Variants in SYCP2 observed in about 807,000 individuals in gnomAD.
SYCP2 encodes synaptonemal complex lateral element protein.
SYCP2 carries 55 observed loss-of-function variants against 211.3 expected under a neutral mutation model. That is an observed-to-expected ratio of 0.26 (90% confidence interval 0.21 to 0.33). The LOEUF (loss-of-function observed/expected upper bound fraction) is 0.33, where lower values mean the gene tolerates loss of function less well. SYCP2 is among the 10% of genes least tolerant of loss of function. The probability of loss-of-function intolerance (pLI) is 1.00; values close to 1 mark genes in which losing one functional copy is unlikely to be tolerated. For missense variants in SYCP2, 1,731 were observed against 1,752.0 expected (o/e 0.99, Z 0.21); for synonymous variants, 570 against 555.2 (o/e 1.03, Z -0.37).
In SYCP2 at chr20:59,900,283, A is replaced by G; in HGVS notation, c.1259T>C (p.Ile420Thr). The part of the protein sequence containing the change: ...HILFDASGSQ[I>T]LVPESQISPV... Reference sequence around the variant, plus strand: ...TGAGATTTGACTTTCTGGCACTAGAATCTGTTGGAGAATATGAAAAAAAAA... The same window carrying G: ...TGAGATTTGACTTTCTGGCACTAGAGTCTGTTGGAGAATATGAAAAAAAAA... The change falls in exon 18 of 45, where the codon ATT becomes ACT. Residue 420 changes from isoleucine (I) to threonine (T), a missense_variant and splice_region_variant. By Grantham distance (89) the Ile-to-Thr change is moderately conservative. This residue lies in a region of SYCP2 where 1,387 missense variants were observed against 1,351.3 expected (regional missense o/e 1.03). Transcript: ENST00000357552. The G allele has an allele frequency of 6.3e-7, 1 of 1,597,338 alleles. No homozygotes were observed. Among genetic ancestry groups the G allele is most frequent in the Non-Finnish European group, 8.5e-7 (1 of 1,175,318 alleles).
intron 38 of SYCP2, 113 bp downstream of exon 38, chr20:59,868,300 T>C: frequency 9.2e-7 from 1 of 1,082,538 alleles, no homozygotes; most frequent in Non-Finnish European, 1.3e-6. Context: ...ATCATCCATC[T>C]TGGACATATC....
At chr20:59,890,398 G>C (rs545635575) in intron 24 of SYCP2, among the ~76,000 whole-genome samples, 37 of 152,170 alleles carry the variant, frequency 2.4e-4, no homozygotes, top group African/African-American at 1.9e-4. Flanking sequence ...GGGCCTGTTG[G>C]GGGGTGGAGG....
intron 18 of SYCP2, among the ~76,000 whole-genome samples, chr20:59,898,999 T>G (rs1390234063): frequency 6.6e-6 from 1 of 152,144 alleles, no homozygotes; most frequent in East Asian, 1.9e-4. Flanking sequence ...GTCAGTGGGA[T>G]GAACACAGAA....
At chr20:59,911,220 A>G (rs1447064294) in intron 14 of SYCP2, among the ~76,000 whole-genome samples, 1 of 152,196 alleles carries the variant, frequency 6.6e-6, no homozygotes, top group Non-Finnish European at 1.5e-5. Context: ...GATTTTCCTC[A>G]GGTAAAAAAT....
At chr20:59,933,078 C>A (rs1377932382) in intron 1 of SYCP2, among the ~76,000 whole-genome samples, 1 of 152,038 alleles carries the variant, frequency 6.6e-6, no homozygotes, top group Non-Finnish European at 1.5e-5. Context: ...CGCCAACCCC[C>A]CTTCAGATGT....
chr20:59,896,542 GA>G lies in SYCP2; in HGVS notation c.1405-15del, dbSNP rs1568946693. Reference sequence around the variant, plus strand: ...AGGAGTAGTTTTCTGAAACCACGATGAAAAACAACCACTGTAAACACAGTCT... The same window carrying G: ...AGGAGTAGTTTTCTGAAACCACGATGAAAACAACCACTGTAAACACAGTCT... On this transcript the variant is annotated splice_polypyrimidine_tract_variant and intron_variant, in intron 18 of 44. Coordinates refer to ENST00000357552, the MANE Select transcript of SYCP2 (RefSeq NM_014258.4). The G allele has an allele frequency of 1.4e-6, 2 of 1,392,672 alleles. No individual in the cohort carries two copies. The highest frequency in any genetic ancestry group is 1.8e-4 in the Middle Eastern group (1 of 5,608). 86.3% of individuals were successfully genotyped at this position (1,392,672 alleles called of 1,614,324 possible).
rs1156703356 is a variant in SYCP2 at position 59,915,377 on chromosome 20, C to T, written c.599+88G>A. On this transcript the variant is annotated intron_variant, in intron 9 of 44. Transcript: ENST00000357552. ...AAAAGCTGCAACAGTTTATCAGTTT[C>T]ATTATTAATGCAAACTCATAGTTGT... The T allele has an allele frequency of 1.0e-5, 11 of 1,048,894 alleles. No individual in the cohort carries two copies. The East Asian group carries it at 2.4e-4, about 23-fold the overall frequency. The allele number at this position is 1,048,894 out of a possible 1,614,324, so 65.0% of individuals were successfully genotyped here.
intron 34 of SYCP2, among the ~76,000 whole-genome samples, chr20:59,874,527 G>A (rs1027482816): frequency 1.1e-4 from 16 of 151,958 alleles, no homozygotes; most frequent in Admixed American, 2.0e-4. Context: ...TTTTCAGATC[G>A]AATCAGGGCA....
rs536394696 is a variant in SYCP2, at chr20:59,885,852, C to T, written c.2529+76G>A. On this transcript the variant is annotated intron_variant, in intron 26 of 44. Coordinates refer to ENST00000357552, the MANE Select transcript of SYCP2 (RefSeq NM_014258.4). The stretch of plus-strand genomic sequence containing the variant: ...CATCGTATCAAATTCCATTTTACCA[C>T]TATGCTATTTTAGTGTTTATGGTCA... 32 of 1,087,514 alleles carry T rather than the reference C, an allele frequency of 2.9e-5. No homozygotes were observed. The African/African-American group carries it at 4.0e-4, about 14-fold the overall frequency. The allele number at this position is 1,087,514 out of a possible 1,614,324, so 67.4% of individuals were successfully genotyped here.
rs377044502 is a variant in SYCP2 at position 59,868,393 on chromosome 20, C to G, written c.3988+20G>C. 1.3e-6 allele frequency: 2 copies of G among 1,593,052 alleles called. No homozygotes were observed. The highest frequency in any genetic ancestry group is 2.7e-5 in the African/African-American group (2 of 73,320). ...CCCTCCAAATAACTGCATTTTGATA[C>G]AGGCTACTGATCTACCTACTTTTGT... On this transcript the variant is annotated intron_variant, in intron 38 of 44. Transcript: ENST00000357552.
In SYCP2 at chr20:59,886,721, C is replaced by T. The variant is rs1401991704; in HGVS notation, c.2478G>A (p.Glu826=). 6.4e-7 allele frequency: 1 copy of T among 1,559,740 alleles called. No individual in the cohort carries two copies. The highest frequency in any genetic ancestry group is 1.4e-5 in the African/African-American group (1 of 71,980). ...TAAGAACATACCTGTTAATCAAAGA[C>T]TCCTTTAATTTTCTTGTAGACTTGA... ...DDIKSTRKLK[E]SLINSGFSNK... is the part of the protein sequence containing the mutation. The change falls in exon 25 of 45, where the codon GAG becomes GAA. Residue 826 remains glutamate, a synonymous_variant. Transcript: ENST00000357552.
chr20:59,868,952 A>C (rs1216229307), intron 36 of SYCP2, 27 bp from the exon 37 acceptor site: 1 of 1,513,992 alleles, frequency 6.6e-7, no homozygotes, highest in Non-Finnish European at 9.0e-7. Flanking sequence ...AAATTAGAAA[A>C]AAATTCCGTA....
At chr20:59,929,732 G>A (rs1314435752) in intron 2 of SYCP2, among the ~76,000 whole-genome samples, 1 of 151,854 alleles carries the variant, frequency 6.6e-6, no homozygotes, top group Non-Finnish European at 1.5e-5. Flanking sequence ...AACACCAGAG[G>A]ATACTTTATT....
intron 39 of SYCP2, among the ~76,000 whole-genome samples, chr20:59,867,014 CAAAAA>C (rs779891839): frequency 8.3e-5 from 5 of 60,422 alleles, no homozygotes; most frequent in East Asian, 6.0e-4. Context: ...GGCCTTGGGC[CAAAAA>C]AAAAAAAAAA....
intron 18 of SYCP2, among the ~76,000 whole-genome samples, chr20:59,897,701 A>C (rs1302455046): frequency 6.6e-6 from 1 of 152,204 alleles, no homozygotes; most frequent in Non-Finnish European, 1.5e-5. Context: ...AAACATGCCA[A>C]AATATATGGA....
At chr20:59,900,323 A>C in intron 17 of SYCP2, 39 bp from the exon 18 acceptor site, 1 of 1,511,322 alleles carries the variant, frequency 6.6e-7, no homozygotes, top group Non-Finnish European at 8.8e-7. Flanking sequence ...TTAAAACTGC[A>C]AACCACAGAA....
At chr20:59,896,059 A>C (rs1056751395) in intron 19 of SYCP2, among the ~76,000 whole-genome samples, 1 of 152,016 alleles carries the variant, frequency 6.6e-6, no homozygotes, top group Non-Finnish European at 1.5e-5. Flanking sequence ...TAGATACTTA[A>C]GTGCCACTTA....
chr20:59,865,826 G>A lies in SYCP2; in HGVS notation c.4360C>T (p.Gln1454Ter). The A allele has an allele frequency of 1.4e-6, 2 of 1,439,422 alleles. No individual in the cohort carries two copies. Among genetic ancestry groups the A allele is most frequent in the Non-Finnish European group, 1.9e-6 (2 of 1,075,966 alleles). The allele number at this position is 1,439,422 out of a possible 1,614,324, so 89.2% of individuals were successfully genotyped here. The change falls in exon 42 of 45, where the codon CAA (glutamine) becomes TAA (stop). Residue 1454 changes from glutamine (Q) to a stop codon, truncating the protein, a stop_gained. Coordinates refer to ENST00000357552, the MANE Select transcript of SYCP2 (RefSeq NM_014258.4). LOFTEE classifies it high-confidence loss of function. ...EKIFQKFSAY[Q>*]KSEQQRLHLL... ...ACTAACCTCTGTTGTTCGCTTTTTTGATATGCACTGAACTTCTGAAATATC... is the reference window on the plus strand; with the variant it reads ...ACTAACCTCTGTTGTTCGCTTTTTTAATATGCACTGAACTTCTGAAATATC...
At chr20:59,880,836 ATAGG>A in intron 30 of SYCP2, 126 bp downstream of exon 30, 2 of 500,504 alleles carry the variant, frequency 4.0e-6, no homozygotes. Context: ...AAAATTCATA[ATAGG>A]AAGGTGGATA....
Sources: allele counts gnomAD v4.1 joint callset (sites outside exome capture counted in the v4.1 genomes callset), GRCh38; gene constraint gnomAD v4.1.1; regional missense constraint gnomAD v4.1.1; transcripts MANE v1.5; gene names NCBI Gene and HGNC (gene_info 2026-07-23, HGNC 2026-07-21).